Variants in ADAMTSL1 observed in about 807,000 individuals in gnomAD.
ADAMTSL1 encodes ADAMTS-like protein 1.
In ADAMTSL1, 126 loss-of-function variants were observed where a neutral mutation model predicts 201.8. The ratio of observed to expected loss-of-function variants is 0.62; its 90% CI spans 0.54 to 0.72. The LOEUF (loss-of-function observed/expected upper bound fraction) is 0.72, where lower values mean the gene tolerates loss of function less well. Ranked by LOEUF, ADAMTSL1 falls within the 30% of genes least tolerant of loss-of-function variation. ADAMTSL1 has a pLI of 0.00. For synonymous variants in ADAMTSL1, 1,121 were observed against 903.4 expected, an observed-to-expected ratio of 1.24 and a Z score of -4.32; for missense variants, 2,679 against 2,277.8, an observed-to-expected ratio of 1.18 and a Z score of -3.59.
chr9:18,526,531 C>T, intron 2 of ADAMTSL1, among the ~76,000 whole-genome samples: 1 of 152,188 alleles, frequency 6.6e-6, no homozygotes, highest in East Asian at 1.9e-4. Context: ...TTCTTCCCAG[C>T]ATCAATGGTC....
chr9:18,726,126 C>T (rs904071912), intron 15 of ADAMTSL1, among the ~76,000 whole-genome samples: 7 of 152,140 alleles, frequency 4.6e-5, no homozygotes, highest in African/African-American at 1.4e-4. Flanking sequence ...CAAACTAGTA[C>T]TTCTAGTTTA....
intron 4 of ADAMTSL1, among the ~76,000 whole-genome samples, chr9:18,599,309 T>C (rs1463353282): frequency 1.3e-5 from 2 of 152,182 alleles, no homozygotes; most frequent in Non-Finnish European, 2.9e-5. Flanking sequence ...GCACACTTAG[T>C]GGTGAAGCAA....
rs768809222 is a variant in ADAMTSL1 at position 18,574,388 on chromosome 9, T to C, written c.474+122T>C. The C allele has an allele frequency of 1.0e-4, 92 of 914,588 alleles. No homozygotes were observed. In the East Asian group the frequency reaches 1.9e-3, roughly 19 times the overall value. The allele number at this position is 914,588 out of a possible 1,614,324, so 56.7% of individuals were successfully genotyped here. ...TACACTTTTTAGAGTTTGTAAATGG[T>C]GAAAGATTTGAAAATTAAGGTATGA... On this transcript the variant is annotated intron_variant, in intron 4 of 28. Transcript: ENST00000380548.
intron 1 of ADAMTSL1, among the ~76,000 whole-genome samples, chr9:18,099,339 ATATATATATATATATATT>A (rs1385214442): frequency 9.0e-5 from 4 of 44,312 alleles, no homozygotes; most frequent in African/African-American, 1.7e-4. Flanking sequence ...ATATATATAT[ATATATATATATATATATT>A]TTTTTTTTTT....
intron 3 of ADAMTSL1, among the ~76,000 whole-genome samples, chr9:18,556,074 T>G (rs1821092949): frequency 6.6e-6 from 1 of 151,958 alleles, no homozygotes; most frequent in South Asian, 2.1e-4. Context: ...CACTGATGAC[T>G]TGCAGGGTAA....
chr9:18,904,298 A>G (rs34433667), intron 26 of ADAMTSL1, among the ~76,000 whole-genome samples: 7 of 151,750 alleles, frequency 4.6e-5, no homozygotes, highest in Non-Finnish European at 8.8e-5. Flanking sequence ...GCGAAATCCT[A>G]TCTCTACTAA....
intron 3 of ADAMTSL1, among the ~76,000 whole-genome samples, chr9:18,556,867 G>A (rs879470244): frequency 1.5e-4 from 23 of 152,010 alleles, no homozygotes; most frequent in Non-Finnish European, 3.4e-4. Context: ...GCAAGGCATG[G>A]CCTTTAACCT....
At chr9:18,109,581 A>G (rs564910490) in intron 1 of ADAMTSL1, among the ~76,000 whole-genome samples, 2 of 152,308 alleles carry the variant, frequency 1.3e-5, no homozygotes, top group Middle Eastern at 3.4e-3. Context: ...TGATATTCAA[A>G]GGGTATAAAT....
chr9:18,555,565 T>C (rs1160200430), intron 3 of ADAMTSL1, among the ~76,000 whole-genome samples: 1 of 151,842 alleles, frequency 6.6e-6, no homozygotes, highest in Non-Finnish European at 1.5e-5. Flanking sequence ...TTTCATTGTT[T>C]TGGAGGACAC....
intron 2 of ADAMTSL1, among the ~76,000 whole-genome samples, chr9:18,320,040 T>A (rs1182875268): frequency 6.6e-6 from 1 of 151,656 alleles, no homozygotes; most frequent in Non-Finnish European, 1.5e-5. Flanking sequence ...GCCGCTAGAG[T>A]TGAGAACAGC....
At chr9:18,280,775 A>G (rs901190561) in intron 2 of ADAMTSL1, among the ~76,000 whole-genome samples, 4 of 151,904 alleles carry the variant, frequency 2.6e-5, no homozygotes, top group African/African-American at 9.7e-5. Flanking sequence ...AATTCACTTA[A>G]TTGTTCCAGT....
intron 2 of ADAMTSL1, among the ~76,000 whole-genome samples, chr9:18,331,112 G>C (rs1452671737): frequency 1.3e-5 from 2 of 152,156 alleles, no homozygotes; most frequent in East Asian, 1.9e-4. Flanking sequence ...AAAGTAAACA[G>C]TGTGAGAAGG....
At chr9:18,892,878 G>A (rs1468486075) in intron 26 of ADAMTSL1, among the ~76,000 whole-genome samples, 2 of 152,034 alleles carry the variant, frequency 1.3e-5, no homozygotes, top group Non-Finnish European at 2.9e-5. Context: ...TTACATTTAT[G>A]TCCTCCACTC....
intron 4 of ADAMTSL1, among the ~76,000 whole-genome samples, chr9:18,584,046 G>A (rs751659563): frequency 1.1e-4 from 17 of 152,170 alleles, no homozygotes; most frequent in Non-Finnish European, 1.2e-4. Flanking sequence ...TTGGGGGACT[G>A]TTGAGAAGGA....
Position 18,795,440 on chromosome 9 carries a change from G to A in ADAMTSL1, c.3721G>A (p.Val1241Met), listed in dbSNP as rs1291541487. The change falls in exon 20 of 29, where the codon GTG becomes ATG. Residue 1241 changes from valine (V) to methionine (M), a missense_variant. Coordinates refer to ENST00000380548, the MANE Select transcript of ADAMTSL1 (RefSeq NM_001040272.6). ...PDDSLQILAPVEADVGFYTCN... is the reference protein window; with the variant it reads ...PDDSLQILAPMEADVGFYTCN... ...TGATTCCTTACAGATCTTGGCACCA[G>A]TGGAAGCAGATGTGGGTTTCTACAC... 7 of 1,613,918 alleles carry A rather than the reference G, an allele frequency of 4.3e-6. No individual in the cohort carries two copies. The highest frequency in any genetic ancestry group is 3.3e-5 in the Admixed American group (2 of 60,000).
chr9:18,153,779 T>C (rs1427807011), intron 1 of ADAMTSL1, among the ~76,000 whole-genome samples: 2 of 152,044 alleles, frequency 1.3e-5, no homozygotes, highest in African/African-American at 4.8e-5. Flanking sequence ...AATAACACAG[T>C]AAGCAAGAGA....
chr9:18,856,795 A>C (rs1285400330), intron 23 of ADAMTSL1, among the ~76,000 whole-genome samples: 1 of 152,166 alleles, frequency 6.6e-6, no homozygotes, highest in Non-Finnish European at 1.5e-5. Flanking sequence ...AGAAATCAGC[A>C]TTCAAATAAA....
chr9:18,889,774 A>C, intron 25 of ADAMTSL1, 26 bp downstream of exon 25: 3 of 1,422,474 alleles, frequency 2.1e-6, no homozygotes, highest in South Asian at 3.2e-5. Flanking sequence ...ACTGGCTCAG[A>C]CCTCCCCACC....
At chr9:18,342,244 A>G (rs757266015) in intron 2 of ADAMTSL1, among the ~76,000 whole-genome samples, 6 of 152,188 alleles carry the variant, frequency 3.9e-5, no homozygotes, top group Non-Finnish European at 8.8e-5. Flanking sequence ...TGGGAAAAAT[A>G]GGCTTTTTCT....
Sources: gnomAD v4.1 joint callset for allele counts (sites outside exome capture counted in the v4.1 genomes callset) on GRCh38, gnomAD v4.1.1 for gene constraint, MANE v1.5 for transcripts, NCBI Gene and HGNC (gene_info 2026-07-23, HGNC 2026-07-21) for gene names.